Variants in ZMIZ1 observed in about 807,000 individuals in gnomAD.
ZMIZ1 encodes zinc finger MIZ domain-containing protein 1.
Under a neutral mutation model 113.9 loss-of-function variants are expected in ZMIZ1, and 17 were observed. That is an observed-to-expected ratio of 0.15 (90% CI 0.10 to 0.22). The LOEUF is 0.22. Ranked by LOEUF, ZMIZ1 falls within the 10% of genes least tolerant of loss-of-function variation. The pLI is 1.00. For missense variants in ZMIZ1, 1,059 were observed against 1,477.8 expected (o/e 0.72, Z 4.65); for synonymous variants, 607 against 603.1 (o/e 1.01, Z -0.09).
chr10:79,192,409 C>T (rs1346051697), intron 4 of ZMIZ1, among the ~76,000 whole-genome samples: 1 of 152,244 alleles, frequency 6.6e-6, no homozygotes, highest in Non-Finnish European at 1.5e-5. Context: ...ATTATGTTAT[C>T]CCACTAGCCA....
chr10:79,299,407 C>T (rs1854141784), intron 16 of ZMIZ1, among the ~76,000 whole-genome samples: 1 of 152,238 alleles, frequency 6.6e-6, no homozygotes, highest in Non-Finnish European at 1.5e-5. Flanking sequence ...GGCCCAAGGG[C>T]AGGGAGCAGC....
Position 79,296,723 on chromosome 10 carries a change from C to G in ZMIZ1, c.1413+70C>G, listed in dbSNP as rs915013147. 2.8e-6 allele frequency: 4 copies of G among 1,426,684 alleles called. No individual in the cohort carries two copies. In the African/African-American group the frequency reaches 5.8e-5, roughly 21 times the overall value. 88.4% of individuals were successfully genotyped at this position (1,426,684 alleles called of 1,614,324 possible). ...AACCACCTCACTCCCCTAACTCCAC[C>G]GGGATCACTCTGACCCTGCGTGTGT... On this transcript the variant is annotated intron_variant, in intron 13 of 24. Transcript: ENST00000334512. This position sits in a 1 kb window ranked among gnomAD's most constrained non-coding sequence, Gnocchi z 4.1.
chr10:79,088,186 G>A (rs1473456286), intron 1 of ZMIZ1, among the ~76,000 whole-genome samples: 3 of 152,232 alleles, frequency 2.0e-5, no homozygotes, highest in Non-Finnish European at 4.4e-5. Flanking sequence ...CGCTTTGTGG[G>A]TCAGGTTGTT....
At chr10:79,202,597 G>C (rs1392034388) in intron 5 of ZMIZ1, among the ~76,000 whole-genome samples, 2 of 152,204 alleles carry the variant, frequency 1.3e-5, no homozygotes, top group Admixed American at 1.3e-4. Context: ...GAGTGCCATG[G>C]TCCCCACCCT....
At chr10:79,171,204 G>A (rs1302424682) in intron 4 of ZMIZ1, among the ~76,000 whole-genome samples, 1 of 152,248 alleles carries the variant, frequency 6.6e-6, no homozygotes, top group Non-Finnish European at 1.5e-5. Flanking sequence ...AAGCAGAGGT[G>A]AAAAAGCTGG....
chr10:79,086,098 C>A (rs1842803459), intron 1 of ZMIZ1, among the ~76,000 whole-genome samples: 1 of 152,198 alleles, frequency 6.6e-6, no homozygotes, highest in African/African-American at 2.4e-5. Flanking sequence ...CTCCCTACTC[C>A]AGACCCCCAG....
At chr10:79,309,262 A>G (rs1854945831) in intron 23 of ZMIZ1, among the ~76,000 whole-genome samples, 1 of 152,188 alleles carries the variant, frequency 6.6e-6, no homozygotes, top group African/African-American at 2.4e-5. Flanking sequence ...CTGCCCCTCC[A>G]TGCCGGAGAC....
intron 8 of ZMIZ1, among the ~76,000 whole-genome samples, chr10:79,284,578 G>A (rs1044397191): frequency 8.5e-5 from 13 of 152,238 alleles, no homozygotes; most frequent in Non-Finnish European, 1.9e-4. Flanking sequence ...AGAGAAAGGT[G>A]TAAGTACAGT....
At position 79,256,783 on chromosome 10, in the gene ZMIZ1, C is replaced by A. The variant is rs563501545; in HGVS notation, c.281-20398C>A. ...TGCCCACCCACTGACACAGTCAGAT[C>A]CCCTCACAGGCATCCATATCCAGGT... On this transcript the variant is annotated intron_variant, in intron 7 of 24. Transcript: ENST00000334512. Among the ~76,000 whole-genome samples the A allele has an allele frequency of 3.5e-4, 53 of 152,370 alleles. 3 individuals carry two copies. In the South Asian group the frequency reaches 0.01, roughly 30 times the overall value.
In ZMIZ1 at chr10:79,301,006, C is replaced by T. The variant is rs1300940445; in HGVS notation, c.2019+64C>T. ...GGCCCTGTTTCACGGCATGAGAGTGCGGAATACCCTGCCCCACTCTGGTCC... is the reference window on the plus strand; with the variant it reads ...GGCCCTGTTTCACGGCATGAGAGTGTGGAATACCCTGCCCCACTCTGGTCC... On this transcript the variant is annotated intron_variant, in intron 17 of 24. Transcript: ENST00000334512. 52 of 1,580,460 alleles carry T rather than the reference C, an allele frequency of 3.3e-5. No homozygotes were observed. In the Admixed American group the frequency reaches 3.4e-4, roughly 10 times the overall value.
intron 1 of ZMIZ1, among the ~76,000 whole-genome samples, chr10:79,087,241 A>T (rs1842846777): frequency 6.6e-6 from 1 of 152,306 alleles, no homozygotes; most frequent in East Asian, 1.9e-4. Flanking sequence ...GTATTAGATG[A>T]TTTTTTGGCA....
At chr10:79,275,888 GAAA>G (rs930330993) in intron 7 of ZMIZ1, among the ~76,000 whole-genome samples, 1 of 151,458 alleles carries the variant, frequency 6.6e-6, no homozygotes, top group Non-Finnish European at 1.5e-5. Context: ...AGATGGTCAA[GAAA>G]AAAAAAGGAT....
chr10:79,226,325 C>T (rs1316306848), intron 7 of ZMIZ1, among the ~76,000 whole-genome samples: 6 of 152,048 alleles, frequency 3.9e-5, no homozygotes, highest in Non-Finnish European at 7.4e-5. Flanking sequence ...GTGGTGCTCC[C>T]GAGGAGCTGG....
At chr10:79,092,468 T>G (rs1376236314) in intron 1 of ZMIZ1, among the ~76,000 whole-genome samples, 1 of 152,274 alleles carries the variant, frequency 6.6e-6, no homozygotes, top group Non-Finnish European at 1.5e-5. Flanking sequence ...TAAGCCTCGC[T>G]GCACGCAGTG....
chr10:79,306,610 C>T (rs745400422), intron 22 of ZMIZ1, among the ~76,000 whole-genome samples: 6 of 151,906 alleles, frequency 3.9e-5, no homozygotes, highest in African/African-American at 1.2e-4. Flanking sequence ...TTACCCCTTG[C>T]CCTCCTGTAT....
intron 3 of ZMIZ1, among the ~76,000 whole-genome samples, chr10:79,142,023 C>T (rs118114823): frequency 0.017 from 2,524 of 152,238 alleles, 54 homozygotes; most frequent in East Asian, 0.098. Flanking sequence ...CAGGCAGGCT[C>T]GCTAGTGAAT....
intron 1 of ZMIZ1, among the ~76,000 whole-genome samples, chr10:79,096,849 G>A (rs1288851776): frequency 2.0e-5 from 3 of 152,218 alleles, no homozygotes; most frequent in Non-Finnish European, 4.4e-5. Flanking sequence ...ATTATGATAA[G>A]CACCAAGAAA....
chr10:79,136,180 C>G (rs538539515), intron 2 of ZMIZ1, among the ~76,000 whole-genome samples: 1 of 152,330 alleles, frequency 6.6e-6, no homozygotes, highest in South Asian at 2.1e-4. Flanking sequence ...CAGGAAGTCA[C>G]TCGTCTCCAG....
At chr10:79,100,360 C>T (rs1034835920) in intron 1 of ZMIZ1, among the ~76,000 whole-genome samples, 3 of 150,042 alleles carry the variant, frequency 2.0e-5, no homozygotes, top group Non-Finnish European at 4.4e-5. Context: ...TAATCCAGCA[C>T]TTTGGGAGGT....
Sources: gnomAD v4.1 joint callset for allele counts (sites outside exome capture counted in the v4.1 genomes callset) on GRCh38, gnomAD v4.1.1 for gene constraint, Gnocchi (gnomAD v3.1) non-coding constraint, MANE v1.5 for transcripts, NCBI Gene and HGNC (gene_info 2026-07-23, HGNC 2026-07-21) for gene names.